Variants in PRELID2 observed in about 807,000 individuals in gnomAD.
PRELID2 encodes PRELI domain-containing protein 2.
PRELID2 carries 25 observed loss-of-function variants against 28.4 expected under a neutral mutation model. The ratio of observed to expected loss-of-function variants is 0.88; its 90% CI spans 0.64 to 1.23. The LOEUF is 1.23. Ranked by LOEUF, PRELID2 falls within the 50% of genes most tolerant of loss-of-function variation. The pLI is 0.00. For synonymous variants in PRELID2, 76 were observed against 71.6 expected, an observed-to-expected ratio of 1.06 and a Z score of -0.31; for missense variants, 201 against 214.4, an observed-to-expected ratio of 0.94 and a Z score of 0.39.
intron 1 of PRELID2, among the ~76,000 whole-genome samples, chr5:145,750,693 G>T (rs1030797346): frequency 5.3e-5 from 8 of 152,142 alleles, no homozygotes; most frequent in Non-Finnish European, 7.4e-5. Flanking sequence ...TTTAAAAAAG[G>T]TTATTCCTGC....
At chr5:145,802,983 T>C (rs902492342) in intron 4 of PRELID2, among the ~76,000 whole-genome samples, 12 of 152,176 alleles carry the variant, frequency 7.9e-5, no homozygotes, top group Non-Finnish European at 1.5e-4. Context: ...CCTTGAATTA[T>C]TGACTGGTTA....
chr5:145,585,031 A>T (rs1052397868), intron 1 of PRELID2, among the ~76,000 whole-genome samples: 7 of 152,222 alleles, frequency 4.6e-5, no homozygotes, highest in African/African-American at 9.6e-5. Context: ...ACATGGAATC[A>T]ACCCAAATAT....
At chr5:145,636,060 G>C (rs1180715796) in intron 1 of PRELID2, among the ~76,000 whole-genome samples, 2 of 152,200 alleles carry the variant, frequency 1.3e-5, no homozygotes, top group Non-Finnish European at 2.9e-5. Context: ...GAGAAGTGAG[G>C]CACAACACAT....
chr5:145,543,210 TA>T (rs1312393757), intron 1 of PRELID2, among the ~76,000 whole-genome samples: 4 of 152,280 alleles, frequency 2.6e-5, no homozygotes, highest in Non-Finnish European at 2.9e-5. Context: ...TGCTAGGATG[TA>T]CTCTCCATGA....
At chr5:145,508,014 G>A (rs1752426593) in intron 1 of PRELID2, among the ~76,000 whole-genome samples, 1 of 152,044 alleles carries the variant, frequency 6.6e-6, no homozygotes, top group Admixed American at 6.6e-5. Context: ...TCTTATTTTA[G>A]CATTAACTTT....
chr5:145,557,418 A>C (rs186243122), intron 1 of PRELID2, among the ~76,000 whole-genome samples: 1 of 152,298 alleles, frequency 6.6e-6, no homozygotes, highest in Non-Finnish European at 1.5e-5. Flanking sequence ...CTAATGACAA[A>C]CAGATGACAA....
the PRELID2 span, among the ~76,000 whole-genome samples, chr5:145,417,877 G>A: frequency 6.6e-6 from 1 of 152,134 alleles, no homozygotes; most frequent in African/African-American, 2.4e-5. Flanking sequence ...ATTCAACATA[G>A]TATTGGAAGT....
the PRELID2 span, among the ~76,000 whole-genome samples, chr5:145,288,678 T>C: frequency 0.011 from 1,603 of 152,234 alleles, 22 homozygotes; most frequent in African/African-American, 0.035. Flanking sequence ...TGTATACATA[T>C]GTGTTTATTA....
intron 1 of PRELID2, among the ~76,000 whole-genome samples, chr5:145,725,604 G>T (rs568764939): frequency 1.3e-5 from 2 of 152,302 alleles, no homozygotes; most frequent in South Asian, 4.1e-4. Context: ...ACGCTGGGAG[G>T]AGCTAATAGA....
intron 1 of PRELID2, among the ~76,000 whole-genome samples, chr5:145,656,302 T>C (rs367836660): frequency 2.0e-5 from 3 of 152,286 alleles, no homozygotes; most frequent in East Asian, 1.9e-4. Flanking sequence ...ACACTGTTGG[T>C]CGGACTGTAA....
chr5:145,624,283 G>A (rs1416796092), intron 1 of PRELID2, among the ~76,000 whole-genome samples: 1 of 152,130 alleles, frequency 6.6e-6, no homozygotes, highest in African/African-American at 2.4e-5. Flanking sequence ...GATTGATTAA[G>A]CTATTGGCTA....
chr5:145,442,372 C>T, the PRELID2 span, among the ~76,000 whole-genome samples: 18 of 152,178 alleles, frequency 1.2e-4, no homozygotes, highest in South Asian at 3.7e-3. Context: ...AGCCAGCAAG[C>T]TTGATCCAGG....
the PRELID2 span, among the ~76,000 whole-genome samples, chr5:145,430,273 C>A: frequency 6.6e-6 from 1 of 152,172 alleles, no homozygotes; most frequent in African/African-American, 2.4e-5. Flanking sequence ...AGCATTTAAA[C>A]TGTATCTTTT....
At chr5:145,779,884 T>A (rs1758676759) in intron 5 of PRELID2, among the ~76,000 whole-genome samples, 1 of 152,190 alleles carries the variant, frequency 6.6e-6, no homozygotes. Context: ...ATTTATAATG[T>A]CATAATGGGA....
intron 1 of PRELID2, among the ~76,000 whole-genome samples, chr5:145,502,109 G>C (rs529662385): frequency 1.3e-5 from 2 of 152,118 alleles, no homozygotes; most frequent in East Asian, 3.9e-4. Flanking sequence ...GGTTTAATTG[G>C]CTCACAGTTC....
At chr5:145,790,721 G>GTGTGTGTGTATA (rs772901344) in intron 5 of PRELID2, among the ~76,000 whole-genome samples, 2,630 of 110,788 alleles carry the variant, frequency 0.024, 38 homozygotes, top group Middle Eastern at 0.032. Flanking sequence ...GTGTGTGTGT[G>GTGTGTGTGTATA]TATATATATA....
intron 1 of PRELID2, among the ~76,000 whole-genome samples, chr5:145,724,612 T>A (rs2915795): frequency 5.6e-4 from 30 of 53,422 alleles, no homozygotes; most frequent in African/African-American, 2.6e-3. Context: ...TATATATATA[T>A]ATATATATAT....
chr5:145,427,571 C>T, the PRELID2 span, among the ~76,000 whole-genome samples: 1 of 152,116 alleles, frequency 6.6e-6, no homozygotes, highest in African/African-American at 2.4e-5. Context: ...TAGTCAGGTG[C>T]CAGGAGGTAT....
At chr5:145,408,438 CA>C in the PRELID2 span, among the ~76,000 whole-genome samples, 1 of 141,942 alleles carries the variant, frequency 7.0e-6, no homozygotes, top group African/African-American at 2.6e-5. Flanking sequence ...ATATGTATAA[CA>C]TATATATGTA....
Sources: allele counts gnomAD v4.1 joint callset (sites outside exome capture counted in the v4.1 genomes callset), GRCh38; gene constraint gnomAD v4.1.1; transcripts MANE v1.5; gene names NCBI Gene and HGNC (gene_info 2026-07-23, HGNC 2026-07-21).